Variants in TUSC3 observed in about 807,000 individuals in gnomAD.
TUSC3 encodes dolichyl-diphosphooligosaccharide--protein glycosyltransferase subunit TUSC3.
In TUSC3, 45 loss-of-function variants were observed where a neutral mutation model predicts 44.8. The ratio of observed to expected loss-of-function variants is 1.00; its 90% confidence interval spans 0.79 to 1.29. The LOEUF is 1.29. TUSC3 is among the 50% of genes most tolerant of loss of function. TUSC3 has a pLI of 0.00. For missense variants in TUSC3, 519 were observed against 437.9 expected (o/e 1.19, Z -1.65); for synonymous variants, 212 against 152.9 (o/e 1.39, Z -2.85).
chr8:15,797,822 C>G, the TUSC3 span, among the ~76,000 whole-genome samples: 1 of 152,188 alleles, frequency 6.6e-6, no homozygotes, highest in African/African-American at 2.4e-5. Flanking sequence ...ATTCAATCAC[C>G]TTTGCAACAT....
At chr8:15,508,457 CTTTTTTTTTT>C (rs1200727081) in intron 2 of TUSC3, among the ~76,000 whole-genome samples, 1 of 79,584 alleles carries the variant, frequency 1.3e-5, no homozygotes, top group South Asian at 5.2e-4. Flanking sequence ...TCGAAGCTTC[CTTTTTTTTTT>C]TTTTTTTTTT....
intron 1 of TUSC3, 73 bp downstream of exon 1, chr8:15,540,641 TGCC>T: frequency 6.9e-7 from 1 of 1,448,400 alleles, no homozygotes; most frequent in African/African-American, 1.5e-5. Context: ...CAGGCAGCCC[TGCC>T]GTGTTGCTAG....
chr8:15,792,546 C>T, the TUSC3 span, among the ~76,000 whole-genome samples: 1 of 152,160 alleles, frequency 6.6e-6, no homozygotes, highest in East Asian at 1.9e-4. Flanking sequence ...GGACACTTGA[C>T]ACTGCTGACA....
chr8:15,743,571 A>G lies in TUSC3; in HGVS notation c.896A>G (p.Asn299Ser). 6.2e-7 allele frequency: 1 copy of G among 1,613,972 alleles called. No individual in the cohort carries two copies. Among genetic ancestry groups the G allele is most frequent in the South Asian group, 1.1e-5 (1 of 91,078 alleles). ...ATCACCATGGGGATGGTTCTTCTAAATGAAGCAGCAACTTCGAAAGGCGAT... is the reference window on the plus strand; with the variant it reads ...ATCACCATGGGGATGGTTCTTCTAAGTGAAGCAGCAACTTCGAAAGGCGAT... ...AAITMGMVLLNEAATSKGDVG... is the reference protein window; with the variant it reads ...AAITMGMVLLSEAATSKGDVG... The change falls in exon 8 of 11, where the codon AAT becomes AGT. Residue 299 changes from asparagine to serine, a missense_variant. Physicochemically the swap from Asn to Ser is conservative, Grantham distance 46 (BLOSUM62 1). Coordinates refer to ENST00000503731, the MANE Select transcript of TUSC3 (RefSeq NM_006765.4).
chr8:15,832,635 T>G, the TUSC3 span, among the ~76,000 whole-genome samples: 1 of 152,132 alleles, frequency 6.6e-6, no homozygotes, highest in East Asian at 1.9e-4. Flanking sequence ...GTTGCAATCT[T>G]AATTTCAGAC....
chr8:15,543,947 A>G (rs1370127302), intron 1 of TUSC3, among the ~76,000 whole-genome samples: 1 of 151,686 alleles, frequency 6.6e-6, no homozygotes, highest in Non-Finnish European at 1.5e-5. Context: ...TGTATTATGT[A>G]TATGTTTGTA....
intron 6 of TUSC3, among the ~76,000 whole-genome samples, chr8:15,696,706 A>G (rs936536022): frequency 6.6e-6 from 1 of 152,138 alleles, no homozygotes; most frequent in African/African-American, 2.4e-5. Flanking sequence ...GCATCTTGTT[A>G]AGGATTTTAG....
chr8:15,687,300 T>G (rs1007153576), intron 6 of TUSC3, among the ~76,000 whole-genome samples: 8 of 152,166 alleles, frequency 5.3e-5, no homozygotes, highest in Non-Finnish European at 1.2e-4. Context: ...ATGATATCGG[T>G]TAGCCTCAAG....
rs1805029886 is a variant in TUSC3, at chr8:15,617,143, T to TTA, written c.139-5936_139-5935insAT. Among the ~76,000 whole-genome samples, 6 of 96,254 alleles carry TTA rather than the reference T, an allele frequency of 6.2e-5. 1 individual carries two copies. The highest frequency in any genetic ancestry group is 2.8e-4 in the South Asian group (1 of 3,602). 63.1% of individuals were successfully genotyped at this position (96,254 alleles called of 152,430 possible). ...AAATGTGTGTGTGTGTATATATTTT[T>TTA]TTTTTTTTTTTTTTGAGACAGAGTC... is the stretch of plus-strand genomic sequence containing the variant. On this transcript the variant is annotated intron_variant, in intron 1 of 10. Transcript: ENST00000503731.
chr8:15,589,063 C>CT (rs1207715156), intron 1 of TUSC3, among the ~76,000 whole-genome samples: 3 of 152,060 alleles, frequency 2.0e-5, no homozygotes, highest in African/African-American at 4.8e-5. Flanking sequence ...TATGCAACGA[C>CT]TTTCTTTGTC....
intron 2 of TUSC3, among the ~76,000 whole-genome samples, chr8:15,624,406 A>G (rs1473404853): frequency 6.6e-6 from 1 of 152,178 alleles, no homozygotes; most frequent in Non-Finnish European, 1.5e-5. Flanking sequence ...GTTTTCTAGA[A>G]TGGCTGTATC....
intron 1 of TUSC3, among the ~76,000 whole-genome samples, chr8:15,462,720 T>C (rs1046993272): frequency 6.6e-6 from 1 of 152,116 alleles, no homozygotes; most frequent in African/African-American, 2.4e-5. Context: ...GGTACTGATA[T>C]CTGTTTTCCA....
intron 2 of TUSC3, among the ~76,000 whole-genome samples, chr8:15,520,020 G>A (rs975485734): frequency 2.6e-5 from 4 of 152,154 alleles, no homozygotes; most frequent in African/African-American, 4.8e-5. Flanking sequence ...CTTCACTGAT[G>A]TTGTCCTTGG....
At chr8:15,517,047 T>C (rs1056343157) in intron 2 of TUSC3, among the ~76,000 whole-genome samples, 3 of 152,184 alleles carry the variant, frequency 2.0e-5, no homozygotes, top group African/African-American at 4.8e-5. Context: ...TTAGATCCTT[T>C]TGTGCCTTTA....
intron 1 of TUSC3, among the ~76,000 whole-genome samples, chr8:15,598,199 C>G (rs1323820791): frequency 1.3e-5 from 2 of 151,976 alleles, no homozygotes; most frequent in Non-Finnish European, 2.9e-5. Context: ...TGTCCTTGCA[C>G]TCCATCCAAA....
intron 6 of TUSC3, among the ~76,000 whole-genome samples, chr8:15,701,889 C>G (rs1338263696): frequency 6.6e-6 from 1 of 152,126 alleles, no homozygotes; most frequent in Admixed American, 6.6e-5. Flanking sequence ...TTTCTTGAAG[C>G]AAACAGTAGG....
chr8:15,798,579 T>G, the TUSC3 span, among the ~76,000 whole-genome samples: 4 of 152,076 alleles, frequency 2.6e-5, no homozygotes, highest in African/African-American at 9.7e-5. Context: ...TTGAGCAGCG[T>G]GGCGGCAGCT....
chr8:15,426,786 T>C (rs1799809207), intron 1 of TUSC3, among the ~76,000 whole-genome samples: 1 of 152,206 alleles, frequency 6.6e-6, no homozygotes, highest in Admixed American at 6.5e-5. Context: ...TTCTATTTTA[T>C]TTTTACCTTT....
chr8:15,623,902 G>A (rs1385914111), intron 2 of TUSC3, among the ~76,000 whole-genome samples: 2 of 152,026 alleles, frequency 1.3e-5, no homozygotes, highest in Non-Finnish European at 2.9e-5. Flanking sequence ...GACAAATGCG[G>A]AACAGCTCTA....
Sources: allele counts gnomAD v4.1 joint callset (sites outside exome capture counted in the v4.1 genomes callset), GRCh38; gene constraint gnomAD v4.1.1; transcripts MANE v1.5; gene names NCBI Gene and HGNC (gene_info 2026-07-23, HGNC 2026-07-21).